MMD2: variants seen among roughly 807,000 people sequenced by gnomAD.
MMD2 encodes monocyte to macrophage differentiation associated 2.
Under a neutral mutation model 33.5 loss-of-function variants are expected in MMD2, and 30 were observed. That is an observed-to-expected ratio of 0.90 (90% CI 0.67 to 1.22). The LOEUF is 1.22. Among genes scored for constraint, MMD2 ranks in the 50% most tolerant of loss-of-function variants. The pLI is 0.00. For missense variants in MMD2, 364 were observed against 325.4 expected, an observed-to-expected ratio of 1.12 and a Z score of -0.91; for synonymous variants, 129 against 123.0, an observed-to-expected ratio of 1.05 and a Z score of -0.32.
chr7:4,898,975 T>A, the MMD2 span, among the ~76,000 whole-genome samples: 11 of 150,220 alleles, frequency 7.3e-5, no homozygotes, highest in African/African-American at 2.5e-4. Context: ...GGAAGGAAGC[T>A]AGGAAGGAAG....
rs2115082647 is a variant in MMD2 at position 4,907,519 on chromosome 7, C to T, written c.618G>A (p.Gly206=). ...CLGMVFFKSD[G]RIPFAHAIWH... is the part of the protein sequence containing the mutation. ...AGATGGCGTGGGCAAAGGGGATCCT[C>T]CCGTCACTCTTGAAGAAGACCATGC... Residue 206 remains glycine (G), a synonymous_variant, in exon 7 of 7, where the codon GGG becomes GGA. Coordinates refer to ENST00000401401, the MANE Select transcript of MMD2 (RefSeq NM_198403.4). The T allele has an allele frequency of 6.2e-7, 1 of 1,613,866 alleles. No individual in the cohort carries two copies. The highest frequency in any genetic ancestry group is 8.5e-7 in the Non-Finnish European group (1 of 1,179,894).
chr7:4,943,071 G>T (rs759515513), intron 1 of MMD2, among the ~76,000 whole-genome samples: 1 of 139,230 alleles, frequency 7.2e-6, no homozygotes, highest in Non-Finnish European at 1.5e-5. Flanking sequence ...GTGCAGTGGC[G>T]CAATGTCAGC....
chr7:4,930,632 G>A (rs182411027), intron 1 of MMD2, among the ~76,000 whole-genome samples: 3,653 of 112,254 alleles, frequency 0.033, 181 homozygotes, highest in African/African-American at 0.13. Context: ...CAACAAGAGC[G>A]AGACTCTGTC....
chr7:4,920,756 C>A (rs914737134), intron 2 of MMD2, among the ~76,000 whole-genome samples: 1 of 134,358 alleles, frequency 7.4e-6, no homozygotes, highest in Non-Finnish European at 1.6e-5. Context: ...CTTGTCTTGT[C>A]CCCCATGCTG....
rs1474515930 is a variant in MMD2, at chr7:4,940,563, C to CCCTCT, written c.48-15036_48-15032dup. Among the ~76,000 whole-genome samples the CCCTCT allele has an allele frequency of 6.6e-6, 1 of 152,246 alleles. No homozygotes were observed. The highest frequency in any genetic ancestry group is 6.5e-5 in the Admixed American group (1 of 15,290). ...CCCCGGCCGTGCTAAGCCTCTCTCCCCCTCTCCGCTTGGCCCTGGCCGCTT... is the reference window on the plus strand; with the variant it reads ...CCCCGGCCGTGCTAAGCCTCTCTCCCCCTCTCCTCTCCGCTTGGCCCTGGCCGCTT... On this transcript the variant is annotated intron_variant, in intron 1 of 6. Transcript: ENST00000401401. The surrounding 1 kb of genome is among the most constrained non-coding windows in gnomAD (Gnocchi z 5.0).
intron 4 of MMD2, among the ~76,000 whole-genome samples, chr7:4,912,575 A>G (rs1338784991): frequency 2.2e-4 from 33 of 149,318 alleles, no homozygotes; most frequent in Admixed American, 2.2e-3. Flanking sequence ...AAAAAAAAAA[A>G]GGGATAACGG....
At chr7:4,905,382 G>C (rs1235025885), downstream of MMD2, among the ~76,000 whole-genome samples, 2 of 148,218 alleles carry the variant, frequency 1.3e-5, no homozygotes, top group East Asian at 4.0e-4. This position sits in a 1 kb window ranked among gnomAD's most constrained non-coding sequence, Gnocchi z 5.0. Context: ...GGGAAGAGGA[G>C]GAAGGGGAAA....
intron 4 of MMD2, among the ~76,000 whole-genome samples, chr7:4,912,934 C>T (rs987331020): frequency 1.1e-4 from 17 of 152,094 alleles, no homozygotes; most frequent in African/African-American, 3.4e-4. Context: ...AAACTCCTGA[C>T]CTCAGGTGAT....
intron 1 of MMD2, 134 bp from the exon 2 acceptor site, chr7:4,925,666 C>CCT (rs150120614): frequency 9.4e-6 from 5 of 532,056 alleles, no homozygotes; most frequent in African/African-American, 3.9e-5. Flanking sequence ...TTCATCTCCC[C>CCT]CTCTCTCTCT....
rs747597869 is a variant in MMD2 at position 4,916,023 on chromosome 7, G to A, written c.347C>T (p.Ala116Val). 8.7e-5 allele frequency: 140 copies of A among 1,613,758 alleles called. No homozygotes were observed. Among genetic ancestry groups the A allele is most frequent in the Non-Finnish European group, 1.1e-4 (132 of 1,179,868 alleles). Residue 116 changes from alanine to valine, a missense_variant, in exon 4 of 7, where the codon GCG becomes GTG. Transcript: ENST00000401401. ...TACTCACCAGGGTGCGTAGGAAGCC[G>A]CTATGAAGAAATAGATGACCATCCG... ...FDRMVIYFFI[A>V]ASYAPWLNLR...
intron 1 of MMD2, among the ~76,000 whole-genome samples, chr7:4,954,630 GCTGGTCTTGAA>G (rs1786335747): frequency 6.6e-6 from 1 of 152,044 alleles, no homozygotes; most frequent in African/African-American, 2.4e-5. Context: ...TGTTGCCCAA[GCTGGTCTTGAA>G]CTCCCGGACT....
chr7:4,940,594 T>C lies in MMD2; in HGVS notation c.48-15062A>G, dbSNP rs1233352711. Among the ~76,000 whole-genome samples, 1 of 152,218 alleles carries C rather than the reference T, an allele frequency of 6.6e-6. No homozygotes were observed. Among genetic ancestry groups the C allele is most frequent in the Non-Finnish European group, 1.5e-5 (1 of 68,030 alleles). ...CCGCTTGGCCCTGGCCGCTTCTTTG[T>C]GTCCATTCATGAATTCAAGGCTCCT... On this transcript the variant is annotated intron_variant, in intron 1 of 6. Transcript: ENST00000401401. The surrounding 1 kb of genome is among the most constrained non-coding windows in gnomAD (Gnocchi z 5.0).
At position 4,906,713 on chromosome 7, in the gene MMD2, A is replaced by C. The variant is rs893188986; in HGVS notation, c.*683T>G. The C allele has an allele frequency of 7.6e-6, 3 of 396,040 alleles. No homozygotes were observed. The highest frequency in any genetic ancestry group is 6.2e-5 in the African/African-American group (3 of 48,606). 24.5% of individuals were successfully genotyped at this position (396,040 alleles called of 1,614,324 possible). On this transcript the variant is annotated 3_prime_UTR_variant, in exon 7 of 7. Transcript: ENST00000401401. ...AAAAGGGAGGGGGAGATGAGGAGAT[A>C]GGCATGCAAATGCCCATTTGGAGAT...
At chr7:4,903,665 C>G (rs1197659515), downstream of MMD2, among the ~76,000 whole-genome samples, 5 of 152,210 alleles carry the variant, frequency 3.3e-5, no homozygotes, top group East Asian at 9.6e-4. Context: ...GCTGGGGCCA[C>G]TGATTCAGCT....
At position 4,906,807 on chromosome 7, in the gene MMD2, T is replaced by C. The variant is rs1466491618; in HGVS notation, c.*589A>G. On this transcript the variant is annotated 3_prime_UTR_variant, in exon 7 of 7. Transcript: ENST00000401401. ...CAGGAAGGGCAAAGAGGTCCCATCA[T>C]GAGTGCCAAATTGATTGGTACTGGC... 3 of 350,652 alleles carry C rather than the reference T, an allele frequency of 8.6e-6. No homozygotes were observed. The highest frequency in any genetic ancestry group is 1.0e-5 in the Non-Finnish European group (2 of 195,042). 21.7% of individuals were successfully genotyped at this position (350,652 alleles called of 1,614,324 possible). A position where few individuals can be genotyped will look rare whatever the true frequency, so the allele number is the denominator to read the frequency against.
At chr7:4,900,738 T>A in the MMD2 span, among the ~76,000 whole-genome samples, 1 of 152,098 alleles carries the variant, frequency 6.6e-6, no homozygotes, top group Non-Finnish European at 1.5e-5. Context: ...TCCCCTCTTC[T>A]GCCACCCACC....
chr7:4,905,232 AAAG>A (rs1192351784), downstream of MMD2, among the ~76,000 whole-genome samples: 3 of 151,812 alleles, frequency 2.0e-5, no homozygotes, highest in African/African-American at 4.8e-5. The surrounding 1 kb of genome is among the most constrained non-coding windows in gnomAD (Gnocchi z 5.0). Context: ...TCTTAGAAGA[AAAG>A]AAGAAGGAGA....
chr7:4,954,165 G>T (rs1424899309), intron 1 of MMD2, among the ~76,000 whole-genome samples: 1 of 152,172 alleles, frequency 6.6e-6, no homozygotes, highest in Non-Finnish European at 1.5e-5. Context: ...TATTAAAGTG[G>T]TATCTCATTT....
At chr7:4,911,694 G>C (rs1239380566) in intron 4 of MMD2, among the ~76,000 whole-genome samples, 1 of 150,634 alleles carries the variant, frequency 6.6e-6, no homozygotes, top group African/African-American at 2.5e-5. Context: ...TGTGCCCCAG[G>C]CTGCAGTGTA....
Sources: allele counts gnomAD v4.1 joint callset (sites outside exome capture counted in the v4.1 genomes callset), GRCh38; gene constraint gnomAD v4.1.1; non-coding constraint Gnocchi (gnomAD v3.1); transcripts MANE v1.5; gene names NCBI Gene and HGNC (gene_info 2026-07-23, HGNC 2026-07-21).